The following RHOH variants were observed in gnomAD, a reference collection of about 807,000 sequenced individuals.
The protein encoded by RHOH is rho-related GTP-binding protein RhoH.
A neutral mutation model predicts 13.8 loss-of-function variants in RHOH; 6 were observed. That is an observed-to-expected ratio of 0.44 (90% CI 0.24 to 0.86). The LOEUF is 0.86. Among genes scored for constraint, RHOH ranks in the 40% least tolerant of loss-of-function variants. The probability of loss-of-function intolerance (pLI) is 0.24; values close to 1 mark genes in which losing one functional copy is unlikely to be tolerated. For synonymous variants in RHOH, 117 were observed against 103.0 expected (o/e 1.14, Z -0.82); for missense variants, 147 against 244.5 (o/e 0.60, Z 2.66).
chr4:40,237,197 A>G (rs1275007781), intron 1 of RHOH, among the ~76,000 whole-genome samples: 3 of 152,188 alleles, frequency 2.0e-5, no homozygotes, highest in Non-Finnish European at 4.4e-5. Flanking sequence ...TCACGCCTGT[A>G]ATCCCGGCAC....
intron 1 of RHOH, among the ~76,000 whole-genome samples, chr4:40,201,432 C>T (rs559624677): frequency 1.3e-5 from 2 of 151,688 alleles, no homozygotes; most frequent in African/African-American, 4.8e-5. Flanking sequence ...GTTCTAGAAC[C>T]GGCTTGCTCT....
At chr4:40,217,614 A>G (rs948693462) in intron 1 of RHOH, among the ~76,000 whole-genome samples, 3 of 152,224 alleles carry the variant, frequency 2.0e-5, no homozygotes, top group African/African-American at 7.2e-5. Context: ...TCCCCACATT[A>G]TTAAATATTG....
upstream of RHOH, among the ~76,000 whole-genome samples, chr4:40,196,217 G>A (rs183869023): frequency 2.8e-4 from 43 of 152,252 alleles, no homozygotes; most frequent in Non-Finnish European, 4.0e-4. Context: ...CCTTACGGTC[G>A]GCAGGTATTT....
chr4:40,244,093 G>A lies in RHOH; in HGVS notation c.*131G>A. On this transcript the variant is annotated 3_prime_UTR_variant, in exon 3 of 3. Coordinates refer to ENST00000381799, the MANE Select transcript of RHOH (RefSeq NM_004310.5). ...CAAGCAGCGTCTCCTTTTGGATACA[G>A]TTATTGATGAGGCTTGGCCACTGGA... 1 of 716,622 alleles carries A rather than the reference G, an allele frequency of 1.4e-6. No homozygotes were observed. The highest frequency in any genetic ancestry group is 2.3e-6 in the Non-Finnish European group (1 of 432,276). The allele number at this position is 716,622 out of a possible 1,614,324, so 44.4% of individuals were successfully genotyped here.
At chr4:40,236,867 T>G (rs1728645434) in intron 1 of RHOH, among the ~76,000 whole-genome samples, 1 of 151,966 alleles carries the variant, frequency 6.6e-6, no homozygotes, top group Admixed American at 6.6e-5. Flanking sequence ...TACACATATA[T>G]AGCTAATTAT....
At chr4:40,222,343 C>T (rs1726687059) in intron 1 of RHOH, among the ~76,000 whole-genome samples, 1 of 152,204 alleles carries the variant, frequency 6.6e-6, no homozygotes, top group Non-Finnish European at 1.5e-5. Context: ...GAGGTCAATA[C>T]TTGGCTTCAA....
In RHOH at chr4:40,197,130, T is replaced by G. The variant is rs1723232569; in HGVS notation, c.-501T>G. The G allele has an allele frequency of 6.6e-6, 1 of 152,248 alleles. No homozygotes were observed. Among genetic ancestry groups the G allele is most frequent in the African/African-American group, 2.4e-5 (1 of 41,452 alleles). 9.4% of individuals were successfully genotyped at this position (152,248 alleles called of 1,614,324 possible). ...ACTGTTGTATTTTCAGTTCTTCCAG[T>G]GTGAATCAGTTAATATTCTCGGGAA... On this transcript the variant is annotated 5_prime_UTR_variant, in exon 1 of 3. Coordinates refer to ENST00000381799, the MANE Select transcript of RHOH (RefSeq NM_004310.5).
At chr4:40,241,499 A>G (rs894034779) in intron 1 of RHOH, among the ~76,000 whole-genome samples, 2 of 152,252 alleles carry the variant, frequency 1.3e-5, no homozygotes, top group African/African-American at 4.8e-5. Flanking sequence ...GTTTAAAAAC[A>G]TGAATATGTA....
intron 1 of RHOH, 111 bp downstream of exon 1, chr4:40,197,411 T>C (rs1351737997): frequency 2.6e-5 from 4 of 151,786 alleles, no homozygotes; most frequent in Admixed American, 2.6e-4. Flanking sequence ...AGCTACCTGC[T>C]GTAAGGTGTA....
rs1579351136 is a variant in RHOH, at chr4:40,243,156, C to T, written c.-209-22C>T. 21 of 434,678 alleles carry T rather than the reference C, an allele frequency of 4.8e-5. 1 individual carries two copies. In the East Asian group the frequency reaches 7.3e-4, roughly 15 times the overall value. 26.9% of individuals were successfully genotyped at this position (434,678 alleles called of 1,614,324 possible). ...AAGAAAGAAAGAAAGACTTCATTTTCCCCCTTCTCTTTCTGTTCCAGTTGA... is the reference window on the plus strand; with the variant it reads ...AAGAAAGAAAGAAAGACTTCATTTTTCCCCTTCTCTTTCTGTTCCAGTTGA... On this transcript the variant is annotated intron_variant, in intron 2 of 2. Coordinates refer to ENST00000381799, the MANE Select transcript of RHOH (RefSeq NM_004310.5). This position sits in a 1 kb window ranked among gnomAD's most constrained non-coding sequence, Gnocchi z 6.2.
At chr4:40,234,048 T>C (rs899774811) in intron 1 of RHOH, among the ~76,000 whole-genome samples, 1 of 151,944 alleles carries the variant, frequency 6.6e-6, no homozygotes, top group African/African-American at 2.4e-5. Flanking sequence ...TGGGCCATAG[T>C]TTGACAACCT....
upstream of RHOH, among the ~76,000 whole-genome samples, chr4:40,194,354 G>A (rs1400429626): frequency 6.6e-5 from 10 of 151,820 alleles, no homozygotes; most frequent in Non-Finnish European, 1.5e-4. Context: ...TCAGCCTCTC[G>A]AGTAGCTGGG....
At chr4:40,223,767 G>GTTTTTTTTT (rs56144023) in intron 1 of RHOH, among the ~76,000 whole-genome samples, 2 of 83,932 alleles carry the variant, frequency 2.4e-5, no homozygotes, top group African/African-American at 5.0e-5. Flanking sequence ...AACATAACTT[G>GTTTTTTTTT]TTTTTTTTTT....
intron 1 of RHOH, among the ~76,000 whole-genome samples, chr4:40,198,069 A>G (rs535497410): frequency 6.6e-6 from 1 of 152,364 alleles, no homozygotes; most frequent in East Asian, 1.9e-4. Context: ...GAAGGACCCT[A>G]TAATCTGGTA....
chr4:40,220,010 C>G (rs1039273538), intron 1 of RHOH, among the ~76,000 whole-genome samples: 2 of 152,052 alleles, frequency 1.3e-5, no homozygotes, highest in African/African-American at 4.8e-5. Flanking sequence ...GGGACAGGGC[C>G]GAGGAGAAAA....
intron 1 of RHOH, among the ~76,000 whole-genome samples, chr4:40,224,178 A>C (rs927703374): frequency 1.5e-4 from 23 of 152,236 alleles, no homozygotes; most frequent in African/African-American, 5.5e-4. Context: ...GATATCTGTA[A>C]GGTATGTCTG....
In RHOH at chr4:40,243,043, T is replaced by A; in HGVS notation, c.-209-135T>A. The stretch of plus-strand genomic sequence containing the variant: ...TCTCCCTGTGAGGGGAAGAGTGGAT[T>A]GCACAAGCGGGGTTGGATGGCTACA... On this transcript the variant is annotated intron_variant, in intron 2 of 2. Transcript: ENST00000381799. The surrounding 1 kb of genome is among the most constrained non-coding windows in gnomAD (Gnocchi z 6.2). 4.5e-6 allele frequency: 1 copy of A among 223,580 alleles called. No individual in the cohort carries two copies. Among genetic ancestry groups the A allele is most frequent in the Non-Finnish European group, 8.9e-6 (1 of 112,578 alleles). The allele number at this position is 223,580 out of a possible 1,614,324, so 13.8% of individuals were successfully genotyped here.
At chr4:40,222,699 A>G (rs148596262) in intron 1 of RHOH, among the ~76,000 whole-genome samples, 72 of 152,342 alleles carry the variant, frequency 4.7e-4, no homozygotes, top group African/African-American at 1.7e-3. Flanking sequence ...TTAACACAAT[A>G]TCTATTCTGC....
At chr4:40,196,780 T>G (rs1426003524), upstream of RHOH, 1 of 150,354 alleles carries the variant, frequency 6.7e-6, no homozygotes, top group Admixed American at 6.7e-5. Flanking sequence ...TACGTAGGGC[T>G]TTGCTGGAGG....
Sources: gnomAD v4.1 joint callset for allele counts (sites outside exome capture counted in the v4.1 genomes callset) on GRCh38, gnomAD v4.1.1 for gene constraint, Gnocchi (gnomAD v3.1) non-coding constraint, MANE v1.5 for transcripts, NCBI Gene and HGNC (gene_info 2026-07-23, HGNC 2026-07-21) for gene names.